Variants in SLC7A7 observed in about 807,000 individuals in gnomAD.
SLC7A7 encodes the protein Y+L amino acid transporter 1.
Under a neutral mutation model 47.9 loss-of-function variants are expected in SLC7A7, and 39 were observed. The ratio of observed to expected loss-of-function variants is 0.81; its 90% CI spans 0.63 to 1.06. SLC7A7 has a LOEUF of 1.06. Ranked by LOEUF, SLC7A7 falls within the 50% of genes least tolerant of loss-of-function variation. SLC7A7 has a pLI of 0.00. For missense variants in SLC7A7, 588 were observed against 632.0 expected, an observed-to-expected ratio of 0.93 and a Z score of 0.75; for synonymous variants, 234 against 242.8, an observed-to-expected ratio of 0.96 and a Z score of 0.34.
chr14:22,778,730 G>T, intron 4 of SLC7A7, 63 bp downstream of exon 4: 1 of 1,569,634 alleles, frequency 6.4e-7, no homozygotes, highest in Non-Finnish European at 8.7e-7. Flanking sequence ...TGTCTGGCAC[G>T]TAGTAGGAGC....
rs1010727357 is a variant in SLC7A7, at chr14:22,813,379, T to C, written c.20A>G (p.Tyr7Cys). 3 of 1,612,778 alleles carry C rather than the reference T, an allele frequency of 1.9e-6. No individual in the cohort carries two copies. Among genetic ancestry groups the C allele is most frequent in the African/African-American group, 2.7e-5 (2 of 74,950 alleles). Residue 7 changes from tyrosine to cysteine, a missense_variant, in exon 2 of 10, where the codon TAT becomes TGT. By Grantham distance (194) the Tyr-to-Cys change is radical. Transcript: ENST00000674313. MVDSTE[Y>C]EVASQPEVET... is the part of the protein sequence containing the mutation. ...CACCTCAGGCTGGGAGGCCACTTCA[T>C]ACTCAGTGCTGTCAACCATGGTGGA...
chr14:22,815,778 A>ACT (rs144597831), upstream of SLC7A7: 10 of 424,882 alleles, frequency 2.4e-5, no homozygotes, highest in East Asian at 1.4e-4. Context: ...AATACACAGC[A>ACT]CTCTCTCTCT....
intron 2 of SLC7A7, among the ~76,000 whole-genome samples, chr14:22,812,243 C>T (rs533969241): frequency 5.3e-5 from 8 of 151,766 alleles, no homozygotes; most frequent in South Asian, 4.2e-4. Flanking sequence ...CTTGGCTCAC[C>T]GCAACCTCTG....
At chr14:22,795,906 TAGA>T (rs2039014999) in intron 2 of SLC7A7, among the ~76,000 whole-genome samples, 1 of 151,938 alleles carries the variant, frequency 6.6e-6, no homozygotes, top group Non-Finnish European at 1.5e-5. Flanking sequence ...GAAAGGAACA[TAGA>T]AACATAGAAC....
intron 2 of SLC7A7, among the ~76,000 whole-genome samples, chr14:22,796,644 T>C (rs2039026434): frequency 6.6e-6 from 1 of 152,142 alleles, no homozygotes; most frequent in Non-Finnish European, 1.5e-5. Context: ...ACTGAAGGCA[T>C]AGATGGTAAA....
chr14:22,799,835 A>G (rs1203200706), intron 2 of SLC7A7, among the ~76,000 whole-genome samples: 5 of 152,160 alleles, frequency 3.3e-5, no homozygotes. Context: ...GATTCTAGAT[A>G]TATATGAATA....
In SLC7A7 at chr14:22,795,989, C is replaced by T. The variant is rs114508672; in HGVS notation, c.500-15938G>A. On this transcript the variant is annotated intron_variant, in intron 2 of 9. Coordinates refer to ENST00000674313, the MANE Select transcript of SLC7A7 (RefSeq NM_003982.4). The stretch of plus-strand genomic sequence containing the variant: ...GATCAAAGCAGCATAAAGGTCTACC[C>T]CTTCACTGCTGGTCAAGAGTTTGTT... Among the ~76,000 whole-genome samples, 366 of 152,274 alleles carry T rather than the reference C, an allele frequency of 2.4e-3. 2 individuals carry two copies. The highest frequency in any genetic ancestry group is 6.6e-3 in the African/African-American group (273 of 41,554).
chr14:22,777,112 C>A (rs114497433), intron 4 of SLC7A7, among the ~76,000 whole-genome samples: 7,603 of 146,046 alleles, frequency 0.052, 494 homozygotes, highest in East Asian at 0.24. Flanking sequence ...CCACTGCACT[C>A]CAGCCTGGGC....
At chr14:22,789,053 C>T (rs1035017116) in intron 2 of SLC7A7, among the ~76,000 whole-genome samples, 19 of 152,134 alleles carry the variant, frequency 1.2e-4, no homozygotes, top group African/African-American at 4.6e-4. Flanking sequence ...GTGAGGTTAG[C>T]AGAGTATGGC....
rs111266433 is a variant in SLC7A7 at position 22,775,615 on chromosome 14, C to T, written c.999-75G>A. ...AGCCTGGTTCACCTGCCACATGGCC[C>T]TCCCTCTCTGCCATCCCTTCCTTCA... On this transcript the variant is annotated intron_variant, in intron 6 of 9. Transcript: ENST00000674313. 8.2e-4 allele frequency: 1,006 copies of T among 1,232,266 alleles called. 8 individuals are homozygous for T. The African/African-American group carries it at 0.014, about 17-fold the overall frequency. 76.3% of individuals were successfully genotyped at this position (1,232,266 alleles called of 1,614,324 possible). A position where few individuals can be genotyped will look rare whatever the true frequency, so the allele number is the denominator to read the frequency against.
At chr14:22,777,438 C>T (rs2038635047) in intron 4 of SLC7A7, among the ~76,000 whole-genome samples, 1 of 152,076 alleles carries the variant, frequency 6.6e-6, no homozygotes, top group South Asian at 2.1e-4. Context: ...TATGTCTGCC[C>T]ACCCCTTCCT....
At chr14:22,788,332 T>G (rs1414345893) in intron 2 of SLC7A7, among the ~76,000 whole-genome samples, 1 of 152,150 alleles carries the variant, frequency 6.6e-6, no homozygotes, top group Non-Finnish European at 1.5e-5. Flanking sequence ...TTAGTATATA[T>G]TTATGTAGAA....
chr14:22,792,014 C>G (rs1177256490), intron 2 of SLC7A7, among the ~76,000 whole-genome samples: 1 of 151,890 alleles, frequency 6.6e-6, no homozygotes, highest in Non-Finnish European at 1.5e-5. Flanking sequence ...TTTTTGTACT[C>G]TTAGTACAGA....
At chr14:22,796,864 GC>G (rs2039030032) in intron 2 of SLC7A7, among the ~76,000 whole-genome samples, 1 of 152,142 alleles carries the variant, frequency 6.6e-6, no homozygotes, top group African/African-American at 2.4e-5. Flanking sequence ...GAAAGAAAAG[GC>G]TCAGCCCTCC....
At chr14:22,793,212 C>T (rs1258248274) in intron 2 of SLC7A7, among the ~76,000 whole-genome samples, 1 of 152,072 alleles carries the variant, frequency 6.6e-6, no homozygotes, top group Non-Finnish European at 1.5e-5. Context: ...CCACCACGCC[C>T]AGCCAATTAA....
At position 22,813,230 on chromosome 14, in the gene SLC7A7, CAA is replaced by C. The variant is rs1462587726; in HGVS notation, c.167_168del (p.Phe56CysfsTer42). The C allele has an allele frequency of 2.5e-6, 4 of 1,613,880 alleles. No individual in the cohort carries two copies. In the South Asian group the frequency reaches 3.3e-5, roughly 13 times the overall value. On this transcript the variant is annotated frameshift_variant, in exon 2 of 10. Transcript: ENST00000674313. LOFTEE classifies it high-confidence loss of function. ...TATATGAGCACACCCTTGGGGGAAA[CAA>C]AGATGCCCGAGCCGATCATGTTCCC... ...IVGNMIGSGI[F>X]VSPKGVLIYS...
At chr14:22,777,142 T>TAA (rs35326556) in intron 4 of SLC7A7, among the ~76,000 whole-genome samples, 31 of 64,032 alleles carry the variant, frequency 4.8e-4, no homozygotes, top group East Asian at 1.6e-3. Context: ...AGACCCTGTC[T>TAA]AAAAAAAAAA....
At chr14:22,780,132 A>C (rs2038692822) in intron 2 of SLC7A7, 81 bp from the exon 3 acceptor site, 1 of 1,584,844 alleles carries the variant, frequency 6.3e-7, no homozygotes. Context: ...TTCCAGTACC[A>C]GTCACCAAGA....
In SLC7A7 at chr14:22,777,212, C is replaced by T. The variant is rs533411287; in HGVS notation, c.771-894G>A. The stretch of plus-strand genomic sequence containing the variant: ...AAAGACTGTCCCCAGCATCATAACG[C>T]ACAGGAAAATGGGAGGTTGTTTTGT... On this transcript the variant is annotated intron_variant, in intron 4 of 9. Transcript: ENST00000674313. 2.2e-3 allele frequency among the ~76,000 whole-genome samples: 331 copies of T among 150,440 alleles called. 1 individual carries two copies. Among genetic ancestry groups the T allele is most frequent in the African/African-American group, 7.6e-3 (310 of 40,860 alleles).
Sources: allele counts gnomAD v4.1 joint callset (sites outside exome capture counted in the v4.1 genomes callset), GRCh38; gene constraint gnomAD v4.1.1; transcripts MANE v1.5; gene names NCBI Gene and HGNC (gene_info 2026-07-23, HGNC 2026-07-21).